Variants in TIAM1 observed in about 807,000 individuals in gnomAD.
TIAM1 encodes rho guanine nucleotide exchange factor TIAM1.
Under a neutral mutation model 163.5 loss-of-function variants are expected in TIAM1, and 65 were observed. The ratio of observed to expected loss-of-function variants is 0.40; its 90% confidence interval spans 0.33 to 0.49. The LOEUF (loss-of-function observed/expected upper bound fraction) is 0.49. Among genes scored for constraint, TIAM1 ranks in the 20% least tolerant of loss-of-function variants. The pLI is 0.77. For missense variants in TIAM1, 1,789 were observed against 2,044.7 expected (o/e 0.87, Z 2.41); for synonymous variants, 833 against 810.1 (o/e 1.03, Z -0.48).
At chr21:31,503,737 C>T (rs1001674931) in intron 1 of TIAM1, among the ~76,000 whole-genome samples, 7 of 150,976 alleles carry the variant, frequency 4.6e-5, no homozygotes, top group Non-Finnish European at 8.8e-5. Flanking sequence ...TCAGGACCCA[C>T]AATACCTCTT....
At chr21:31,183,751 G>A (rs914483816) in intron 14 of TIAM1, among the ~76,000 whole-genome samples, 1 of 150,470 alleles carries the variant, frequency 6.6e-6, no homozygotes, top group African/African-American at 2.5e-5. Flanking sequence ...CTGAAGTGCA[G>A]TGGTGCGATC....
At chr21:31,462,625 C>T (rs1313610836) in intron 2 of TIAM1, among the ~76,000 whole-genome samples, 1 of 152,194 alleles carries the variant, frequency 6.6e-6, no homozygotes, top group Non-Finnish European at 1.5e-5. Flanking sequence ...ACGAGGGCCT[C>T]TCCCTCACAG....
In TIAM1 at chr21:31,219,314, A is replaced by C. The variant is rs374008913; in HGVS notation, c.1996-1615T>G. On this transcript the variant is annotated intron_variant, in intron 8 of 27. Coordinates refer to ENST00000541036, the MANE Select transcript of TIAM1 (RefSeq NM_001353694.2). ...CCACCCACCCGCTCGCCTTTCAAAA[A>C]AGGGAGTGGCAGGAGGAACAGCGAG... Among the ~76,000 whole-genome samples, 92 of 152,282 alleles carry C rather than the reference A, an allele frequency of 6.0e-4. 2 individuals carry two copies. In the South Asian group the frequency reaches 9.5e-3, roughly 16 times the overall value.
At chr21:31,268,792 T>C (rs965611489) in intron 3 of TIAM1, among the ~76,000 whole-genome samples, 7 of 152,240 alleles carry the variant, frequency 4.6e-5, no homozygotes, top group Admixed American at 6.5e-5. Flanking sequence ...ACATGCTACA[T>C]TTCTTACAAG....
intron 2 of TIAM1, among the ~76,000 whole-genome samples, chr21:31,409,360 G>A (rs1045551676): frequency 3.9e-5 from 6 of 151,958 alleles, no homozygotes; most frequent in Non-Finnish European, 7.4e-5. Flanking sequence ...CACCCGCCTC[G>A]GCCTCCCAAA....
intron 1 of TIAM1, among the ~76,000 whole-genome samples, chr21:31,476,168 A>G (rs1181056702): frequency 6.6e-6 from 1 of 152,244 alleles, no homozygotes; most frequent in Non-Finnish European, 1.5e-5. Context: ...TGATTAAACA[A>G]AATACAAATG....
chr21:31,323,561 T>C (rs576289472), intron 2 of TIAM1, among the ~76,000 whole-genome samples: 2 of 152,040 alleles, frequency 1.3e-5, no homozygotes, highest in Admixed American at 1.3e-4. Context: ...CTGGGTGTGA[T>C]GGCTCATGCC....
chr21:31,121,933 T>C (rs951101861), intron 27 of TIAM1, among the ~76,000 whole-genome samples: 1 of 152,114 alleles, frequency 6.6e-6, no homozygotes, highest in African/African-American at 2.4e-5. Context: ...GGCTTTCCAG[T>C]GGAGGGGAAG....
At chr21:31,448,093 G>A (rs573877628) in intron 2 of TIAM1, among the ~76,000 whole-genome samples, 36 of 152,128 alleles carry the variant, frequency 2.4e-4, no homozygotes, top group Non-Finnish European at 4.9e-4. Context: ...TCAGTCTACT[G>A]ATTTCAAGGT....
intron 25 of TIAM1, 118 bp downstream of exon 25, chr21:31,130,095 G>GA (rs755900569): frequency 0.046 from 26,002 of 569,906 alleles, 187 homozygotes; most frequent in East Asian, 0.088. Context: ...TTAAGCATAG[G>GA]GAAAAAAAAA....
intron 1 of TIAM1, among the ~76,000 whole-genome samples, chr21:31,552,877 G>A (rs545894277): frequency 1.3e-5 from 2 of 152,298 alleles, no homozygotes; most frequent in South Asian, 4.1e-4. Context: ...ACTCTGCCAT[G>A]GCAAGAATGA....
chr21:31,163,296 T>C (rs749491358), intron 16 of TIAM1, among the ~76,000 whole-genome samples: 1 of 152,300 alleles, frequency 6.6e-6, no homozygotes, highest in Non-Finnish European at 1.5e-5. Context: ...GAAATATCTG[T>C]TTCTCCTGAG....
In TIAM1 at chr21:31,546,556, A is replaced by AAAAGAAAGAAAGAAAGAAAGAAAG. The variant is rs58230083; in HGVS notation, c.-422+12347_-422+12370dup. ...CAGAGCAAGACTCCATCTCAAAAAA[A>AAAAGAAAGAAAGAAAGAAAGAAAG]AAAGAAAGAAAGAAAGAAAGAAAGA... On this transcript the variant is annotated intron_variant, in intron 1 of 28. Transcript: ENST00000286827. Among the ~76,000 whole-genome samples, 1,029 of 143,346 alleles carry AAAAGAAAGAAAGAAAGAAAGAAAG rather than the reference A, an allele frequency of 7.2e-3. 36 individuals are homozygous for AAAAGAAAGAAAGAAAGAAAGAAAG. Among genetic ancestry groups the AAAAGAAAGAAAGAAAGAAAGAAAG allele is most frequent in the East Asian group, 0.048 (157 of 3,294 alleles). The allele number at this position is 143,346 out of a possible 152,430, so 94.0% of individuals were successfully genotyped here.
chr21:31,501,687 G>C (rs1435162930), intron 1 of TIAM1, among the ~76,000 whole-genome samples: 4 of 151,904 alleles, frequency 2.6e-5, no homozygotes, highest in Non-Finnish European at 4.4e-5. Context: ...GCTGCAACCT[G>C]CACCTCCCAG....
intron 2 of TIAM1, among the ~76,000 whole-genome samples, chr21:31,384,217 T>C (rs777524022): frequency 2.9e-4 from 44 of 150,940 alleles, no homozygotes; most frequent in Non-Finnish European, 5.5e-4. Flanking sequence ...ATATATAACA[T>C]CTGAAGAGGA....
At chr21:31,208,041 G>A (rs907907526) in intron 11 of TIAM1, among the ~76,000 whole-genome samples, 3 of 152,188 alleles carry the variant, frequency 2.0e-5, no homozygotes, top group East Asian at 1.9e-4. Context: ...GATGCCATCA[G>A]AAACCTTTCA....
chr21:31,126,581 TA>T (rs2082208515), intron 26 of TIAM1, among the ~76,000 whole-genome samples: 1 of 151,470 alleles, frequency 6.6e-6, no homozygotes, highest in Non-Finnish European at 1.5e-5. Context: ...AATAAATAAA[TA>T]AATATATATA....
At chr21:31,328,110 T>C (rs866297693) in intron 2 of TIAM1, among the ~76,000 whole-genome samples, 18 of 152,146 alleles carry the variant, frequency 1.2e-4, no homozygotes, top group Admixed American at 7.2e-4. Context: ...CCCCTTGCCA[T>C]CTTGGCTCCA....
At chr21:31,372,085 C>T (rs1267267117) in intron 2 of TIAM1, among the ~76,000 whole-genome samples, 1 of 152,124 alleles carries the variant, frequency 6.6e-6, no homozygotes, top group African/African-American at 2.4e-5. Context: ...TGTAATACTC[C>T]CAGCTCCCCA....
Sources: gnomAD v4.1 joint callset for allele counts (sites outside exome capture counted in the v4.1 genomes callset) on GRCh38, gnomAD v4.1.1 for gene constraint, MANE v1.5 for transcripts, NCBI Gene and HGNC (gene_info 2026-07-23, HGNC 2026-07-21) for gene names.